The following DYM variants were observed in gnomAD, a reference collection of about 807,000 sequenced individuals.
The protein encoded by DYM is dymeclin, also known as dyggve-Melchior-Clausen syndrome protein.
A neutral mutation model predicts 93.1 loss-of-function variants in DYM; 78 were observed. The ratio of observed to expected loss-of-function variants is 0.84; its 90% CI spans 0.70 to 1.01. DYM has a LOEUF of 1.01. Among genes scored for constraint, DYM ranks in the 50% least tolerant of loss-of-function variants. The pLI is 0.00. For missense variants in DYM, 789 were observed against 845.0 expected (o/e 0.93, Z 0.82); for synonymous variants, 321 against 319.7 (o/e 1.00, Z -0.04).
chr18:49,142,543 T>G (rs928379810), intron 15 of DYM, among the ~76,000 whole-genome samples: 1 of 152,236 alleles, frequency 6.6e-6, no homozygotes, highest in African/African-American at 2.4e-5. Context: ...AGAATACAGA[T>G]TTTCTACAAT....
At chr18:49,058,252 A>T (rs1206484012) in intron 17 of DYM, among the ~76,000 whole-genome samples, 1 of 152,142 alleles carries the variant, frequency 6.6e-6, no homozygotes. Flanking sequence ...AGGAATTAAG[A>T]GCAAGCACTC....
intron 8 of DYM, among the ~76,000 whole-genome samples, chr18:49,321,965 G>A (rs2062517294): frequency 6.6e-6 from 1 of 151,880 alleles, no homozygotes; most frequent in Admixed American, 6.6e-5. Context: ...CTCTCTCAAT[G>A]AGTCACCCTA....
intron 10 of DYM, among the ~76,000 whole-genome samples, chr18:49,276,531 G>C (rs1172921019): frequency 6.6e-6 from 1 of 152,108 alleles, no homozygotes; most frequent in African/African-American, 2.4e-5. Context: ...GAGGAAAAAG[G>C]AGAAAATTTC....
rs80048939 is a variant in DYM, at chr18:49,316,690, T to C, written c.763+15174A>G. ...GAATAGTGTTGCTGCCCCAAAATGC[T>C]CTGTGCTCTACCTACTTATGTATCT... is the stretch of plus-strand genomic sequence containing the variant. On this transcript the variant is annotated intron_variant, in intron 8 of 17. Coordinates refer to ENST00000675505, the MANE Select transcript of DYM (RefSeq NM_001353214.3). Among the ~76,000 whole-genome samples the C allele has an allele frequency of 3.4e-3, 521 of 152,284 alleles. 4 individuals are homozygous for C. Among genetic ancestry groups the C allele is most frequent in the African/African-American group, 0.012 (483 of 41,550 alleles).
intron 5 of DYM, among the ~76,000 whole-genome samples, chr18:49,370,141 G>A (rs1240077072): frequency 2.0e-5 from 3 of 152,106 alleles, no homozygotes; most frequent in Non-Finnish European, 2.9e-5. Flanking sequence ...AGCTGGGCAT[G>A]GTGGCCCACG....
intron 15 of DYM, among the ~76,000 whole-genome samples, chr18:49,141,919 T>A (rs1172453173): frequency 2.0e-5 from 3 of 152,010 alleles, no homozygotes; most frequent in African/African-American, 7.3e-5. Flanking sequence ...AGTGGCGCAA[T>A]CTCCGCTCAC....
intron 15 of DYM, among the ~76,000 whole-genome samples, chr18:49,135,168 T>TA (rs1238052277): frequency 6.6e-6 from 1 of 151,932 alleles, no homozygotes; most frequent in Non-Finnish European, 1.5e-5. Flanking sequence ...AACAACATTT[T>TA]AAAAAAGAGA....
chr18:49,248,912 A>C (rs2094226249), intron 13 of DYM, among the ~76,000 whole-genome samples: 1 of 152,356 alleles, frequency 6.6e-6, no homozygotes, highest in African/African-American at 2.4e-5. Context: ...GTTCTAAAAA[A>C]GTGGAAAAGA....
Position 49,055,285 on chromosome 18 carries a change from C to T in DYM, c.2026-11081G>A, listed in dbSNP as rs140632313. 3.7e-4 allele frequency among the ~76,000 whole-genome samples: 56 copies of T among 152,180 alleles called. No individual in the cohort carries two copies. In the South Asian group the frequency reaches 5.0e-3, roughly 14 times the overall value. ...AGGTGGGTGGAGGCACGGAGGCAGC[C>T]TTGAGGGAAGCCTGTTCACCTGGGA... is the stretch of plus-strand genomic sequence containing the variant. On this transcript the variant is annotated intron_variant, in intron 17 of 17. Transcript: ENST00000675505.
intron 13 of DYM, among the ~76,000 whole-genome samples, chr18:49,254,913 T>C (rs1307863277): frequency 6.6e-6 from 1 of 152,188 alleles, no homozygotes; most frequent in Admixed American, 6.5e-5. Context: ...AACTAAAGGC[T>C]CTTCAGAATA....
intron 6 of DYM, among the ~76,000 whole-genome samples, chr18:49,361,062 T>C (rs988802658): frequency 1.3e-5 from 2 of 152,216 alleles, no homozygotes; most frequent in Admixed American, 6.5e-5. Flanking sequence ...CATGGTCACA[T>C]GGAACCGCCA....
intron 1 of DYM, among the ~76,000 whole-genome samples, chr18:49,444,442 C>G (rs989883978): frequency 2.0e-5 from 3 of 152,138 alleles, no homozygotes; most frequent in Admixed American, 6.5e-5. Flanking sequence ...AGAAGGACAA[C>G]AGGGTCTACG....
chr18:49,264,727 A>C (rs2094543230), intron 11 of DYM, among the ~76,000 whole-genome samples: 1 of 152,250 alleles, frequency 6.6e-6, no homozygotes, highest in Admixed American at 6.5e-5. Flanking sequence ...GGAAAGAGAA[A>C]GAAATATCAA....
chr18:49,274,336 T>C (rs1200255656), intron 10 of DYM, among the ~76,000 whole-genome samples: 4 of 152,176 alleles, frequency 2.6e-5, no homozygotes, highest in Admixed American at 2.6e-4. Flanking sequence ...CATTCCTTTT[T>C]ATGTCAAATA....
chr18:49,457,297 T>C (rs939855436), intron 1 of DYM, among the ~76,000 whole-genome samples: 5 of 152,222 alleles, frequency 3.3e-5, no homozygotes, highest in Non-Finnish European at 7.3e-5. Flanking sequence ...GAACCATCAT[T>C]GCCCCCAGCG....
At chr18:49,330,259 T>C (rs2063214266) in intron 8 of DYM, among the ~76,000 whole-genome samples, 1 of 152,192 alleles carries the variant, frequency 6.6e-6, no homozygotes, top group Non-Finnish European at 1.5e-5. Flanking sequence ...ATAAATCTAT[T>C]TTAATGCACT....
intron 2 of DYM, among the ~76,000 whole-genome samples, chr18:49,415,066 CCT>C (rs1356147354): frequency 1.3e-5 from 2 of 151,886 alleles, no homozygotes; most frequent in African/African-American, 4.8e-5. Context: ...CTCACTGAAA[CCT>C]CTGTTTCCAG....
At chr18:49,145,702 C>T (rs1374493415) in intron 15 of DYM, among the ~76,000 whole-genome samples, 1 of 152,174 alleles carries the variant, frequency 6.6e-6, no homozygotes. Flanking sequence ...TTTATAGCTG[C>T]ATGGTATAAT....
intron 5 of DYM, among the ~76,000 whole-genome samples, chr18:49,367,436 T>A (rs2066622261): frequency 6.6e-6 from 1 of 152,212 alleles, no homozygotes; most frequent in South Asian, 2.1e-4. Context: ...GTTCATTCTA[T>A]TCAGCATCCA....
Sources: gnomAD v4.1 joint callset for allele counts (sites outside exome capture counted in the v4.1 genomes callset) on GRCh38, gnomAD v4.1.1 for gene constraint, MANE v1.5 for transcripts, NCBI Gene and HGNC (gene_info 2026-07-23, HGNC 2026-07-21) for gene names.